LACTBL1: variants seen among roughly 807,000 people sequenced by gnomAD.
LACTBL1 encodes the protein beta-lactamase-like protein 1.
A neutral mutation model predicts 39.6 loss-of-function variants in LACTBL1; 29 were observed. That is an observed-to-expected ratio of 0.73 (90% CI 0.55 to 1.00). The LOEUF (loss-of-function observed/expected upper bound fraction) is 1.00. LACTBL1 is among the 50% of genes least tolerant of loss of function. The pLI, the probability that LACTBL1 is intolerant of heterozygous loss-of-function variation, is 0.00. For missense variants in LACTBL1, 711 were observed against 748.5 expected (o/e 0.95, Z 0.59); for synonymous variants, 361 against 360.7 (o/e 1.00, Z -0.01).
chr1:22,958,810 G>A (rs1203027745), exon 4 of LACTBL1: 1 of 1,550,560 alleles, frequency 6.4e-7, no homozygotes, highest in Non-Finnish European at 8.7e-7. Context: ...GTTGTTAATG[G>A]TGAAGGTGCT....
intron 4 of LACTBL1, 60 bp from the exon 7 acceptor site, chr1:22,955,486 TG>T: frequency 4.5e-6 from 5 of 1,100,100 alleles, no homozygotes; most frequent in Non-Finnish European, 6.7e-6. Context: ...GGTGGGCCCC[TG>T]GGTGCACTCC....
At chr1:22,954,222 A>G (rs916083351) in intron 5 of LACTBL1, among the ~76,000 whole-genome samples, 198 bp from the exon 8 acceptor site, 3 of 152,192 alleles carry the variant, frequency 2.0e-5, no homozygotes, top group Middle Eastern at 3.2e-3. Context: ...AGGCCCAGAG[A>G]GGGGCGGGGA....
intron 2 of LACTBL1, among the ~76,000 whole-genome samples, chr1:22,962,426 G>C (rs1640834734): frequency 6.6e-6 from 1 of 152,138 alleles, no homozygotes; most frequent in African/African-American, 2.4e-5. Context: ...CTCCCATGGT[G>C]GGTGACCCAA....
At chr1:22,953,799 C>G (rs1640734117) in exon 6 of LACTBL1, 2 of 1,544,608 alleles carry the variant, frequency 1.3e-6, no homozygotes. Context: ...ACATCTGGCC[C>G]GACGGCCGGT....
At chr1:22,971,928 G>C in the LACTBL1 span, among the ~76,000 whole-genome samples, 63 of 152,298 alleles carry the variant, frequency 4.1e-4, no homozygotes, top group African/African-American at 1.4e-3. Context: ...GGGCTTCAGG[G>C]CTCACAGATA....
At chr1:22,963,520 G>A (rs2124236751) in intron 1 of LACTBL1, among the ~76,000 whole-genome samples, 1 of 152,322 alleles carries the variant, frequency 6.6e-6, no homozygotes, top group East Asian at 1.9e-4. Context: ...CATTCTGGCT[G>A]CGTGGGGCAG....
chr1:22,956,443 A>G (rs1384421685), intron 4 of LACTBL1, among the ~76,000 whole-genome samples: 1 of 152,144 alleles, frequency 6.6e-6, no homozygotes, highest in Non-Finnish European at 1.5e-5. Flanking sequence ...AGTGACACCA[A>G]CCACATCCAT....
upstream of LACTBL1, among the ~76,000 whole-genome samples, chr1:22,968,707 C>T (rs537490287): frequency 6.6e-6 from 1 of 152,328 alleles, no homozygotes; most frequent in Admixed American, 6.5e-5. Context: ...AGCTCAGCCA[C>T]TTACCACTGC....
chr1:22,953,643 C>T (rs952268567), exon 6 of LACTBL1: 1 of 1,271,466 alleles, frequency 7.9e-7, no homozygotes. Context: ...ACTCCCACGG[C>T]GTGCCCGTCT....
intron 5 of LACTBL1, among the ~76,000 whole-genome samples, chr1:22,955,048 G>A (rs1169144928): frequency 5.3e-5 from 8 of 152,230 alleles, no homozygotes; most frequent in Admixed American, 4.6e-4. Flanking sequence ...GGAGCAAACC[G>A]GGTGTTTATC....
At chr1:22,968,947 T>C (rs1640911462), upstream of LACTBL1, among the ~76,000 whole-genome samples, 1 of 152,148 alleles carries the variant, frequency 6.6e-6, no homozygotes, top group Non-Finnish European at 1.5e-5. Context: ...GTGATCAGTT[T>C]TTGCATTTTT....
chr1:22,956,013 G>A (rs1272553679), intron 4 of LACTBL1, among the ~76,000 whole-genome samples: 4 of 145,962 alleles, frequency 2.7e-5, no homozygotes, highest in African/African-American at 1.0e-4. Context: ...GCAGTGAGCT[G>A]AGATCGCACC....
At chr1:22,953,469 G>T in exon 6 of LACTBL1, 4 of 1,228,474 alleles carry the variant, frequency 3.3e-6, no homozygotes, top group Non-Finnish European at 4.1e-6. Context: ...GGGCGGGCAG[G>T]AGCTCATCGT....
chr1:22,955,888 C>G (rs1640756684), intron 4 of LACTBL1, among the ~76,000 whole-genome samples: 1 of 151,726 alleles, frequency 6.6e-6, no homozygotes, highest in African/African-American at 2.4e-5. Flanking sequence ...ATGGTGAAAC[C>G]CCATCTCTTC....
intron 2 of LACTBL1, among the ~76,000 whole-genome samples, chr1:22,960,642 A>G (rs973052815): frequency 4.7e-5 from 7 of 150,420 alleles, no homozygotes; most frequent in African/African-American, 1.7e-4. Flanking sequence ...AAAAAAAAAA[A>G]CCAGCTACTG....
At position 22,958,819 on chromosome 1, in the gene LACTBL1, C is replaced by A; in HGVS notation, c.419G>T (p.Ser140Ile). ...CAGCGGGTTGTTAATGGTGAAGGTG[C>A]TGGCATACCGCTCCAGAGGGTCATC... Residue 140 changes from serine (S) to isoleucine (I), a missense_variant, in exon 4 of 6, where the codon AGC becomes ATC. Physicochemically the swap from Ser to Ile is moderately radical, Grantham distance 142. Coordinates refer to ENST00000426928, the Ensembl canonical transcript of LACTBL1. The A allele has an allele frequency of 1.9e-6, 3 of 1,550,656 alleles. No individual in the cohort carries two copies. In the Admixed American group the frequency reaches 5.9e-5, roughly 30 times the overall value.
chr1:22,972,255 A>G, the LACTBL1 span: 1 of 981,614 alleles, frequency 1.0e-6, no homozygotes, highest in Admixed American at 6.2e-5. Context: ...ATGGTCAGAC[A>G]TGTGTCAGAA....
intron 2 of LACTBL1, 92 bp downstream of exon 4, chr1:22,963,015 A>G (rs2124235941): frequency 1.8e-6 from 1 of 551,436 alleles, no homozygotes; most frequent in East Asian, 3.5e-5. Flanking sequence ...GGATGAATGA[A>G]TGAATGCCAC....
chr1:22,963,082 A>G (rs1640842234), intron 2 of LACTBL1, 25 bp downstream of exon 4: 27 of 1,239,102 alleles, frequency 2.2e-5, no homozygotes, highest in Non-Finnish European at 2.8e-5. Flanking sequence ...CCATATGCCC[A>G]GTTTCCTCCT....
Sources: gnomAD v4.1 joint callset for allele counts (sites outside exome capture counted in the v4.1 genomes callset) on GRCh38, gnomAD v4.1.1 for gene constraint, MANE v1.5 for transcripts, NCBI Gene and HGNC (gene_info 2026-07-23, HGNC 2026-07-21) for gene names.